Variants in LRRC37A2 observed in about 807,000 individuals in gnomAD.
The protein encoded by LRRC37A2 is leucine-rich repeat-containing protein 37A2.
A neutral mutation model predicts 68.8 loss-of-function variants in LRRC37A2; 9 were observed. The observed-to-expected ratio is 0.13, with a 90% CI of 0.08 to 0.23. The LOEUF (loss-of-function observed/expected upper bound fraction) is 0.23, where lower values mean the gene tolerates loss of function less well. LRRC37A2 is among the 10% of genes least tolerant of loss of function. The probability of loss-of-function intolerance (pLI) is 1.00; values close to 1 mark genes in which losing one functional copy is unlikely to be tolerated. For synonymous variants in LRRC37A2, 63 were observed against 367.6 expected, an observed-to-expected ratio of 0.17 and a Z score of 9.48; for missense variants, 168 against 950.4, an observed-to-expected ratio of 0.18 and a Z score of 10.82.
chr17:46,992,805 A>G, the LRRC37A2 span, among the ~76,000 whole-genome samples: 1 of 131,686 alleles, frequency 7.6e-6, no homozygotes, highest in South Asian at 2.5e-4. Flanking sequence ...GTGAGCTGAA[A>G]TTGTGCCATT....
chr17:46,873,086 TCACACACACACACACACACACACACACA>T, the LRRC37A2 span, among the ~76,000 whole-genome samples: 3 of 139,816 alleles, frequency 2.1e-5, no homozygotes, highest in Non-Finnish European at 4.6e-5. Context: ...CTCTGCCTCT[TCACACACACACACACACACACACACACA>T]CACACACACA....
At chr17:46,860,668 C>T in the LRRC37A2 span, among the ~76,000 whole-genome samples, 1 of 152,160 alleles carries the variant, frequency 6.6e-6, no homozygotes, top group Non-Finnish European at 1.5e-5. Flanking sequence ...CTTACAGCGT[C>T]CCACGTTTAG....
At chr17:46,497,616 A>G in the LRRC37A2 span, among the ~76,000 whole-genome samples, 5 of 150,686 alleles carry the variant, frequency 3.3e-5, no homozygotes, top group Non-Finnish European at 7.3e-5. Flanking sequence ...GTATGTGTGT[A>G]TATATCTATA....
the LRRC37A2 span, chr17:47,019,934 T>G: frequency 1.4e-6 from 1 of 695,916 alleles, no homozygotes; most frequent in Non-Finnish European, 2.6e-6. Flanking sequence ...CCTTTGCTTG[T>G]CAACTCTCCC....
chr17:46,818,860 C>T, the LRRC37A2 span: 1 of 547,142 alleles, frequency 1.8e-6, no homozygotes, highest in East Asian at 3.1e-5. Flanking sequence ...CCCCTCCCGC[C>T]CGGCCCACAA....
At chr17:46,602,784 A>C in the LRRC37A2 span, among the ~76,000 whole-genome samples, 1 of 146,346 alleles carries the variant, frequency 6.8e-6, no homozygotes, top group African/African-American at 2.6e-5. Context: ...AATAATATTG[A>C]TATAATTTTG....
chr17:46,970,854 C>T, the LRRC37A2 span, among the ~76,000 whole-genome samples: 4 of 152,170 alleles, frequency 2.6e-5, no homozygotes, highest in African/African-American at 7.2e-5. Context: ...AACAGTATCA[C>T]GGTATACGTT....
the LRRC37A2 span, chr17:46,872,809 GGAAGAAGCCTTCAGGGA>G: frequency 6.8e-7 from 1 of 1,481,030 alleles, no homozygotes; most frequent in South Asian, 1.2e-5. Flanking sequence ...GAGGGCTGGG[GGAAGAAGCCTTCAGGGA>G]GGAGGAGGCT....
chr17:46,748,141 CTT>C, the LRRC37A2 span, among the ~76,000 whole-genome samples: 1 of 152,058 alleles, frequency 6.6e-6, no homozygotes, highest in African/African-American at 2.4e-5. Flanking sequence ...GAGTTTCGCT[CTT>C]GTTGCCCAGG....
At chr17:46,976,491 G>A in the LRRC37A2 span, among the ~76,000 whole-genome samples, 4 of 151,962 alleles carry the variant, frequency 2.6e-5, no homozygotes, top group Non-Finnish European at 5.9e-5. Flanking sequence ...GGGTTTCAGC[G>A]AGCCAAGATT....
the LRRC37A2 span, among the ~76,000 whole-genome samples, chr17:46,884,434 G>T: frequency 1.3e-5 from 2 of 152,186 alleles, no homozygotes; most frequent in Non-Finnish European, 2.9e-5. Context: ...GGGCACACAG[G>T]AGATCCTCAA....
chr17:46,884,881 TA>T, the LRRC37A2 span, among the ~76,000 whole-genome samples: 4 of 152,202 alleles, frequency 2.6e-5, no homozygotes. Context: ...GCTTCTCCTA[TA>T]TTTGCTTCCT....
the LRRC37A2 span, among the ~76,000 whole-genome samples, chr17:46,976,168 T>C: frequency 5.9e-5 from 9 of 151,604 alleles, no homozygotes; most frequent in African/African-American, 2.2e-4. Flanking sequence ...TCTCGTGATC[T>C]GCCCGCCTCG....
chr17:46,734,321 A>G, the LRRC37A2 span, among the ~76,000 whole-genome samples: 1 of 152,194 alleles, frequency 6.6e-6, no homozygotes, highest in African/African-American at 2.4e-5. Context: ...AAAGAGGCTT[A>G]GTCATTTTGC....
chr17:46,933,515 G>T, the LRRC37A2 span: 18 of 152,146 alleles, frequency 1.2e-4, no homozygotes, highest in African/African-American at 4.3e-4. Flanking sequence ...AGCACATGAT[G>T]AAATTAAAAG....
At chr17:46,897,925 C>T in the LRRC37A2 span, among the ~76,000 whole-genome samples, 1 of 152,140 alleles carries the variant, frequency 6.6e-6, no homozygotes, top group African/African-American at 2.4e-5. Context: ...TGGGTGGGTC[C>T]TGCACACCCA....
At chr17:46,766,061 A>G in the LRRC37A2 span, among the ~76,000 whole-genome samples, 65 of 152,046 alleles carry the variant, frequency 4.3e-4, no homozygotes, top group African/African-American at 1.3e-3. Context: ...AAGATTGAGG[A>G]AAAAAAACAC....
At chr17:46,924,429 T>C in the LRRC37A2 span, 1 of 152,250 alleles carries the variant, frequency 6.6e-6, no homozygotes, top group African/African-American at 2.4e-5. Context: ...AACTCTGGTG[T>C]AGAAGTATCT....
chr17:46,993,589 T>G, the LRRC37A2 span, among the ~76,000 whole-genome samples: 1 of 152,264 alleles, frequency 6.6e-6, no homozygotes, highest in South Asian at 2.1e-4. Flanking sequence ...TGGTCTCTGA[T>G]GCTGTCCACC....
Sources: gnomAD v4.1 joint callset for allele counts (sites outside exome capture counted in the v4.1 genomes callset) on GRCh38, gnomAD v4.1.1 for gene constraint, MANE v1.5 for transcripts, NCBI Gene and HGNC (gene_info 2026-07-23, HGNC 2026-07-21) for gene names.